JAK1: variants seen among roughly 807,000 people sequenced by gnomAD.
The protein encoded by JAK1 is tyrosine-protein kinase JAK1.
In JAK1, 16 loss-of-function variants were observed where a neutral mutation model predicts 136.6. That is an observed-to-expected ratio of 0.12 (90% CI 0.08 to 0.18). JAK1 has a LOEUF of 0.18. Among genes scored for constraint, JAK1 ranks in the 10% least tolerant of loss-of-function variants. The pLI is 1.00. For synonymous variants in JAK1, 492 were observed against 519.5 expected, an observed-to-expected ratio of 0.95 and a Z score of 0.72; for missense variants, 859 against 1,450.1, an observed-to-expected ratio of 0.59 and a Z score of 6.62.
intron 2 of JAK1, among the ~76,000 whole-genome samples, chr1:64,974,902 T>G (rs1318311936): frequency 6.7e-6 from 1 of 148,364 alleles, no homozygotes; most frequent in Non-Finnish European, 1.5e-5. Context: ...TTTGTTTTGT[T>G]TTGTTTTTTG....
intron 2 of JAK1, among the ~76,000 whole-genome samples, chr1:65,016,977 AATAAAG>A (rs1350861494): frequency 6.6e-6 from 1 of 152,214 alleles, no homozygotes; most frequent in Non-Finnish European, 1.5e-5. Context: ...AAATTACAAC[AATAAAG>A]ATAATCACTT....
intron 2 of JAK1, among the ~76,000 whole-genome samples, chr1:65,022,079 A>G (rs1300499539): frequency 6.6e-6 from 1 of 152,208 alleles, no homozygotes; most frequent in East Asian, 1.9e-4. Context: ...ACAGTAGAGA[A>G]TAAGACATTT....
chr1:64,901,781 C>T (rs1380477583), intron 1 of JAK1, among the ~76,000 whole-genome samples: 1 of 152,064 alleles, frequency 6.6e-6, no homozygotes, highest in Non-Finnish European at 1.5e-5. Flanking sequence ...AAAAAGAAAC[C>T]CCATGTCACT....
intron 2 of JAK1, among the ~76,000 whole-genome samples, chr1:65,040,829 A>C (rs1423608127): frequency 1.3e-5 from 2 of 152,144 alleles, no homozygotes; most frequent in African/African-American, 4.8e-5. Context: ...GCTTTGAAGG[A>C]CCTCACATTT....
chr1:64,873,550 T>C (rs575324215), intron 4 of JAK1, 27 bp from the exon 5 acceptor site: 7 of 1,613,768 alleles, frequency 4.3e-6, no homozygotes, highest in Non-Finnish European at 5.9e-6. Flanking sequence ...TGAATGCCAA[T>C]TGTGGCAAAG....
chr1:64,873,306 C>G, intron 5 of JAK1, 64 bp downstream of exon 5: 2 of 1,593,870 alleles, frequency 1.3e-6, no homozygotes, highest in South Asian at 1.1e-5. Flanking sequence ...AGCAGGGGGT[C>G]TGAGCTCTAC....
intron 1 of JAK1, among the ~76,000 whole-genome samples, chr1:64,902,583 A>AGAGAGAGAGAGTGTGTGTGTGT: frequency 1.2e-3 from 89 of 73,794 alleles, no homozygotes; most frequent in Admixed American, 2.1e-3. Context: ...AGAGAGAGAG[A>AGAGAGAGAGAGTGTGTGTGTGT]GTGTGTGTGT....
At chr1:64,871,310 G>A (rs754857745) in intron 5 of JAK1, among the ~76,000 whole-genome samples, 1 of 152,034 alleles carries the variant, frequency 6.6e-6, no homozygotes, top group African/African-American at 2.4e-5. Context: ...CACACATAAT[G>A]GTATACTCTA....
chr1:65,020,896 G>A (rs1183814002), intron 2 of JAK1, among the ~76,000 whole-genome samples: 1 of 152,134 alleles, frequency 6.6e-6, no homozygotes, highest in African/African-American at 2.4e-5. Context: ...TTTGGGGCAG[G>A]GAAAGAAAGC....
upstream of JAK1, among the ~76,000 whole-genome samples, chr1:64,968,931 C>CAAA (rs10708307): frequency 1.9e-4 from 12 of 64,040 alleles, no homozygotes; most frequent in Admixed American, 9.6e-4. Context: ...GACTCCCTCT[C>CAAA]AAAAAAAAAA....
intron 2 of JAK1, among the ~76,000 whole-genome samples, chr1:64,884,180 T>C (rs1644819549): frequency 6.6e-6 from 1 of 152,156 alleles, no homozygotes; most frequent in Non-Finnish European, 1.5e-5. Context: ...TAGAAAACCC[T>C]GGTGAAAAGT....
intron 2 of JAK1, among the ~76,000 whole-genome samples, chr1:65,000,016 G>T (rs1345203703): frequency 6.7e-6 from 1 of 149,784 alleles, no homozygotes; most frequent in Non-Finnish European, 1.5e-5. Flanking sequence ...TTTTAAGATG[G>T]AGTCTCACTC....
Position 64,844,927 on chromosome 1 carries a change from C to T in JAK1, c.2116-38G>A, listed in dbSNP as rs776674609. 6.2e-7 allele frequency: 1 copy of T among 1,613,502 alleles called. No individual in the cohort carries two copies. Among genetic ancestry groups the T allele is most frequent in the Admixed American group, 1.7e-5 (1 of 60,012 alleles). On this transcript the variant is annotated intron_variant, in intron 15 of 24. Transcript: ENST00000342505. The surrounding 1 kb of genome is among the most constrained non-coding windows in gnomAD (Gnocchi z 5.7). Reference sequence around the variant, plus strand: ...AAGGTCAAGTTTAGCCAAGCTGCTCCTTCCCGCATTCTATTTCCAACCCTG... The same window carrying T: ...AAGGTCAAGTTTAGCCAAGCTGCTCTTTCCCGCATTCTATTTCCAACCCTG...
intron 2 of JAK1, among the ~76,000 whole-genome samples, chr1:65,024,977 C>CA (rs576721639): frequency 1.7e-4 from 25 of 148,464 alleles, no homozygotes; most frequent in African/African-American, 4.4e-4. Flanking sequence ...AACTCTGTCT[C>CA]AAAAAAAAAA....
chr1:64,922,712 T>C (rs1157365967), intron 1 of JAK1, among the ~76,000 whole-genome samples: 2 of 152,186 alleles, frequency 1.3e-5, no homozygotes, highest in African/African-American at 4.8e-5. Flanking sequence ...AAATGAGATC[T>C]GCTTTATAAT....
intron 2 of JAK1, chr1:65,003,441 G>A (rs561459243): frequency 6.6e-6 from 1 of 152,238 alleles, no homozygotes; most frequent in South Asian, 2.1e-4. Flanking sequence ...AAGGAGGAAG[G>A]GGAATGATGC....
At chr1:65,058,900 G>A (rs1467097468) in intron 1 of JAK1, among the ~76,000 whole-genome samples, 1 of 152,010 alleles carries the variant, frequency 6.6e-6, no homozygotes, top group Non-Finnish European at 1.5e-5. Context: ...GAACTACTAC[G>A]TTCTAAAGCC....
intron 2 of JAK1, among the ~76,000 whole-genome samples, chr1:64,999,060 C>A (rs1008736047): frequency 6.6e-6 from 1 of 152,148 alleles, no homozygotes; most frequent in Non-Finnish European, 1.5e-5. Flanking sequence ...CCTTGTAAAT[C>A]TTCCTATCTT....
rs377267171 is a variant in JAK1 at position 64,866,938 on chromosome 1, G to A, written c.918C>T (p.Asp306=). 2.2e-5 allele frequency: 36 copies of A among 1,614,024 alleles called. No individual in the cohort carries two copies. The highest frequency in any genetic ancestry group is 5.3e-5 in the African/African-American group (4 of 74,914). ...CTTCGTAGTAGAGAACGTTTCCACCGTCATTCGAATGAAACCAATTCATCT... is the reference window on the plus strand; with the variant it reads ...CTTCGTAGTAGAGAACGTTTCCACCATCATTCGAATGAAACCAATTCATCT... ...ENEMNWFHSN[D]GGNVLYYEVM... The change falls in exon 7 of 25, where the codon GAC becomes GAT. Residue 306 remains aspartate, a synonymous_variant. Coordinates refer to ENST00000342505, the MANE Select transcript of JAK1 (RefSeq NM_002227.4).
Sources: allele counts gnomAD v4.1 joint callset (sites outside exome capture counted in the v4.1 genomes callset), GRCh38; gene constraint gnomAD v4.1.1; non-coding constraint Gnocchi (gnomAD v3.1); transcripts MANE v1.5; gene names NCBI Gene and HGNC (gene_info 2026-07-23, HGNC 2026-07-21).